TMEM156: variants seen among roughly 807,000 people sequenced by gnomAD.
TMEM156 encodes transmembrane protein 156.
TMEM156 carries 28 observed loss-of-function variants against 30.5 expected under a neutral mutation model. The observed-to-expected ratio is 0.92, with a 90% CI of 0.68 to 1.26. TMEM156 has a LOEUF of 1.26. Ranked by LOEUF, TMEM156 falls within the 50% of genes most tolerant of loss-of-function variation. The pLI is 0.00. For synonymous variants in TMEM156, 137 were observed against 119.9 expected, an observed-to-expected ratio of 1.14 and a Z score of -0.93; for missense variants, 351 against 340.6, an observed-to-expected ratio of 1.03 and a Z score of -0.24.
At chr4:38,976,992 A>C (rs970595884) in intron 5 of TMEM156, among the ~76,000 whole-genome samples, 2 of 152,138 alleles carry the variant, frequency 1.3e-5, no homozygotes, top group Middle Eastern at 3.4e-3. Flanking sequence ...TACAGCCTCC[A>C]CCTCCCAAGT....
chr4:38,977,538 C>G (rs776391830), intron 5 of TMEM156, among the ~76,000 whole-genome samples: 1 of 152,310 alleles, frequency 6.6e-6, no homozygotes, highest in East Asian at 1.9e-4. Flanking sequence ...TTAATGCCTT[C>G]TTCAGAATAG....
In TMEM156 at chr4:39,028,077, G is replaced by A. The variant is rs150319260; in HGVS notation, c.88+4149C>T. Among the ~76,000 whole-genome samples, 387 of 151,886 alleles carry A rather than the reference G, an allele frequency of 2.5e-3. 2 individuals carry two copies. The highest frequency in any genetic ancestry group is 9.1e-3 in the African/African-American group (375 of 41,436). Reference sequence around the variant, plus strand: ...AGTTTTTTGTATTTTTAATAGAGACGGGGTTTCACCATGTTGGTCAGGCTG... The same window carrying A: ...AGTTTTTTGTATTTTTAATAGAGACAGGGTTTCACCATGTTGGTCAGGCTG... On this transcript the variant is annotated intron_variant, in intron 1 of 6. Coordinates refer to ENST00000381938, the MANE Select transcript of TMEM156 (RefSeq NM_024943.3).
intron 1 of TMEM156, among the ~76,000 whole-genome samples, chr4:39,001,133 G>A (rs1000775295): frequency 2.5e-4 from 38 of 151,298 alleles, no homozygotes; most frequent in African/African-American, 7.5e-4. Context: ...CACTTCGGGA[G>A]GCTGAGGCGG....
intron 5 of TMEM156, among the ~76,000 whole-genome samples, chr4:38,982,476 C>A (rs1251252472): frequency 6.6e-6 from 1 of 152,198 alleles, no homozygotes; most frequent in Non-Finnish European, 1.5e-5. Context: ...AAGTGGAATT[C>A]TATGCCCTGT....
rs114350282 is a variant in TMEM156 at position 38,969,278 on chromosome 4, C to T, written c.*39-1637G>A. ...AGTCTCTGTTCTCTATCTTTCCACT[C>T]TACTTCCATGTGATCAACTTTTTTA... On this transcript the variant is annotated intron_variant, in intron 6 of 6. Transcript: ENST00000381938. 1.9e-3 allele frequency among the ~76,000 whole-genome samples: 295 copies of T among 152,320 alleles called. 2 individuals are homozygous for T. Among genetic ancestry groups the T allele is most frequent in the African/African-American group, 6.8e-3 (281 of 41,582 alleles).
At chr4:38,968,284 A>T (rs1013961011) in intron 6 of TMEM156, among the ~76,000 whole-genome samples, 1 of 152,224 alleles carries the variant, frequency 6.6e-6, no homozygotes. Context: ...TAACACAGAG[A>T]CATAGAAATT....
rs999786550 is a variant in TMEM156 at position 39,003,034 on chromosome 4, A to T, written c.89-4125T>A. 1.1e-4 allele frequency among the ~76,000 whole-genome samples: 16 copies of T among 152,174 alleles called. 1 individual carries two copies. Among genetic ancestry groups the T allele is most frequent in the Middle Eastern group, 3.2e-3 (1 of 316 alleles). ...TGTACCCTAAAACTTAAAGTATAATAATAAAAAAATTTAAAAAATGAAATA... is the reference window on the plus strand; with the variant it reads ...TGTACCCTAAAACTTAAAGTATAATTATAAAAAAATTTAAAAAATGAAATA... On this transcript the variant is annotated intron_variant, in intron 1 of 6. Transcript: ENST00000381938.
chr4:39,019,970 G>A (rs1017018718), intron 1 of TMEM156, among the ~76,000 whole-genome samples: 3 of 151,952 alleles, frequency 2.0e-5, no homozygotes, highest in Admixed American at 2.0e-4. Context: ...CCACCCTGTC[G>A]TCCACGGTAA....
At chr4:39,014,591 T>A (rs2465244) in intron 1 of TMEM156, among the ~76,000 whole-genome samples, 18,686 of 151,888 alleles carry the variant, frequency 0.12, 2,282 homozygotes, top group African/African-American at 0.32. Context: ...AAACCCTGTC[T>A]CTAATAAAAA....
chr4:39,012,198 A>C (rs1056025211), intron 1 of TMEM156, among the ~76,000 whole-genome samples: 5 of 152,228 alleles, frequency 3.3e-5, no homozygotes, highest in African/African-American at 1.2e-4. Context: ...TTAAAAATAT[A>C]TTAATGAAAT....
chr4:38,974,674 A>ATTT (rs11284825), intron 5 of TMEM156, among the ~76,000 whole-genome samples: 2 of 144,138 alleles, frequency 1.4e-5, no homozygotes, highest in Admixed American at 6.9e-5. Flanking sequence ...ATTAAAAGTA[A>ATTT]TTTTTTTTTT....
At chr4:39,015,015 T>C (rs1714387071) in intron 1 of TMEM156, among the ~76,000 whole-genome samples, 1 of 152,212 alleles carries the variant, frequency 6.6e-6, no homozygotes, top group African/African-American at 2.4e-5. Flanking sequence ...TGTAAAACTC[T>C]TGAGCTTTCC....
At chr4:39,002,604 A>G (rs1283592588) in intron 1 of TMEM156, among the ~76,000 whole-genome samples, 2 of 147,602 alleles carry the variant, frequency 1.4e-5, no homozygotes, top group Non-Finnish European at 3.0e-5. Context: ...TTGAGGCATT[A>G]TTCACAATAG....
In TMEM156 at chr4:38,998,522, C is replaced by T. The variant is rs543990567; in HGVS notation, c.358+118G>A. 1.1e-5 allele frequency: 10 copies of T among 943,824 alleles called. No homozygotes were observed. The East Asian group carries it at 1.9e-4, about 18-fold the overall frequency. The allele number at this position is 943,824 out of a possible 1,614,324, so 58.5% of individuals were successfully genotyped here. A position where few individuals can be genotyped will look rare whatever the true frequency, so the allele number is the denominator to read the frequency against. ...TTGCACCACTGCACTCTAGCCTGGG[C>T]AACAGAGCGAGACTCCATCTCAAAA... On this transcript the variant is annotated intron_variant, in intron 2 of 6. Coordinates refer to ENST00000381938, the MANE Select transcript of TMEM156 (RefSeq NM_024943.3).
intron 1 of TMEM156, among the ~76,000 whole-genome samples, chr4:39,011,615 A>C (rs1013058171): frequency 2.0e-5 from 3 of 152,066 alleles, no homozygotes; most frequent in Non-Finnish European, 4.4e-5. Flanking sequence ...CTCTACTAAA[A>C]ATACAAAAAT....
chr4:38,990,252 C>T (rs1712324903), intron 3 of TMEM156, among the ~76,000 whole-genome samples: 1 of 152,140 alleles, frequency 6.6e-6, no homozygotes, highest in Non-Finnish European at 1.5e-5. Context: ...TTTACAGGAA[C>T]CCAGATGTAC....
intron 1 of TMEM156, among the ~76,000 whole-genome samples, chr4:39,019,191 C>G (rs2110048601): frequency 6.6e-6 from 1 of 152,188 alleles, no homozygotes; most frequent in South Asian, 2.1e-4. Context: ...TGCCTTTACC[C>G]TATTCTATTT....
At chr4:39,019,797 G>A (rs113956025) in intron 1 of TMEM156, among the ~76,000 whole-genome samples, 5 of 152,098 alleles carry the variant, frequency 3.3e-5, no homozygotes, top group African/African-American at 1.2e-4. Context: ...TACCATTTTC[G>A]TTTGTGTGTG....
intron 5 of TMEM156, among the ~76,000 whole-genome samples, chr4:38,977,048 A>G (rs1722889551): frequency 1.3e-5 from 2 of 152,122 alleles, no homozygotes; most frequent in South Asian, 4.1e-4. Context: ...CGGGACTGCA[A>G]GCGTGCACCA....
Sources: gnomAD v4.1 joint callset for allele counts (sites outside exome capture counted in the v4.1 genomes callset) on GRCh38, gnomAD v4.1.1 for gene constraint, MANE v1.5 for transcripts, NCBI Gene and HGNC (gene_info 2026-07-23, HGNC 2026-07-21) for gene names.